The following PSMA6 variants were observed in gnomAD, a reference collection of about 807,000 sequenced individuals.
PSMA6 encodes the protein proteasome subunit alpha type-6.
For synonymous variants in PSMA6, 88 were observed against 97.7 expected, an observed-to-expected ratio of 0.90 and a Z score of 0.59; for missense variants, 170 against 294.8, an observed-to-expected ratio of 0.58 and a Z score of 3.10.
intron 2 of PSMA6, 69 bp from the exon 3 acceptor site, chr14:35,308,845 T>A (rs1008473871): frequency 7.8e-6 from 9 of 1,148,718 alleles, no homozygotes; most frequent in Non-Finnish European, 1.1e-5. Context: ...AAAAACATAA[T>A]TTTTTTTATA....
chr14:35,309,730 A>C (rs1156505669), intron 3 of PSMA6, among the ~76,000 whole-genome samples: 1 of 152,228 alleles, frequency 6.6e-6, no homozygotes, highest in African/African-American at 2.4e-5. Flanking sequence ...CGGGAGGCAG[A>C]GGTTGCAGTG....
At chr14:35,289,454 C>G (rs1010061591), upstream of PSMA6, among the ~76,000 whole-genome samples, 3 of 152,060 alleles carry the variant, frequency 2.0e-5, no homozygotes, top group African/African-American at 7.2e-5. Flanking sequence ...CTCAACCTCT[C>G]CCGAGTAGCT....
At chr14:35,278,631 G>A, upstream of PSMA6, 5 of 1,509,784 alleles carry the variant, frequency 3.3e-6, no homozygotes, top group African/African-American at 1.4e-5. Flanking sequence ...CTGGAGCAGG[G>A]TAGTGTCCTA....
At chr14:35,312,520 AAAAAAAAAAAAAG>A (rs2051964550) in intron 4 of PSMA6, among the ~76,000 whole-genome samples, 2 of 150,180 alleles carry the variant, frequency 1.3e-5, no homozygotes, top group Non-Finnish European at 3.0e-5. Flanking sequence ...AAAAAAAAAA[AAAAAAAAAAAAAG>A]TGTTTTTGAA....
chr14:35,307,913 AT>A, intron 1 of PSMA6, 80 bp from the exon 2 acceptor site: 6 of 1,354,732 alleles, frequency 4.4e-6, no homozygotes, highest in Non-Finnish European at 5.2e-6. Context: ...GCTCTTTCTC[AT>A]TCTTTTTAAT....
intron 4 of PSMA6, 79 bp downstream of exon 4, chr14:35,310,974 A>C: frequency 7.2e-7 from 1 of 1,394,562 alleles, no homozygotes; most frequent in African/African-American, 1.4e-5. Context: ...TTATTTAAAT[A>C]ACACTTGAGT....
chr14:35,278,634 G>A (rs1239496207), exon 1 of PSMA6: 2 of 1,519,050 alleles, frequency 1.3e-6, no homozygotes, highest in African/African-American at 1.4e-5. Flanking sequence ...GAGCAGGGTA[G>A]TGTCCTAGGC....
chr14:35,280,680 C>A (rs2051357242), intron 1 of PSMA6, among the ~76,000 whole-genome samples: 1 of 152,058 alleles, frequency 6.6e-6, no homozygotes, highest in Admixed American at 6.6e-5. Flanking sequence ...CCACACCCAG[C>A]CTGGTCTCAT....
intron 1 of PSMA6, among the ~76,000 whole-genome samples, chr14:35,295,773 C>T (rs1454018389): frequency 6.6e-6 from 1 of 152,176 alleles, no homozygotes; most frequent in Admixed American, 6.5e-5. Context: ...TCTTAATGTA[C>T]ATATGCAGGT....
chr14:35,293,003 C>T, intron 1 of PSMA6: 1 of 458,408 alleles, frequency 2.2e-6, no homozygotes, highest in Non-Finnish European at 4.4e-6. Flanking sequence ...CTGCTATATA[C>T]CAGACACTGC....
intron 1 of PSMA6, among the ~76,000 whole-genome samples, chr14:35,282,876 C>G (rs1017048816): frequency 6.6e-6 from 1 of 151,746 alleles, no homozygotes; most frequent in Non-Finnish European, 1.5e-5. Context: ...GAGTGAGACC[C>G]CACAGGGTCA....
intron 6 of PSMA6, 174 bp downstream of exon 6, chr14:35,314,629 T>TA (rs2052006328): frequency 2.7e-6 from 2 of 736,020 alleles, no homozygotes; most frequent in Admixed American, 4.3e-5. Flanking sequence ...GGACTCTATT[T>TA]AAGAGTCAGA....
upstream of PSMA6, among the ~76,000 whole-genome samples, chr14:35,287,477 G>T (rs187957857): frequency 2.0e-5 from 3 of 152,188 alleles, no homozygotes; most frequent in African/African-American, 7.2e-5. Flanking sequence ...TAAGCTAAGG[G>T]CTACATTCTT....
chr14:35,305,831 T>C lies in PSMA6; in HGVS notation c.77-2163T>C, dbSNP rs144907010. On this transcript the variant is annotated intron_variant, in intron 1 of 6. Coordinates refer to ENST00000261479, the MANE Select transcript of PSMA6 (RefSeq NM_002791.3). ...AAATATGTGCCCAGGCCAGGAACAG[T>C]GGCTCATGCCTGTAATCCTAAGGTG... 8.5e-3 allele frequency among the ~76,000 whole-genome samples: 1,297 copies of C among 152,366 alleles called. 26 individuals are homozygous for C. The highest frequency in any genetic ancestry group is 0.029 in the African/African-American group (1,194 of 41,592).
intron 1 of PSMA6, among the ~76,000 whole-genome samples, chr14:35,285,487 C>T (rs7494636): frequency 6.6e-6 from 1 of 152,114 alleles, no homozygotes; most frequent in African/African-American, 2.4e-5. Flanking sequence ...TTTCTCTCTC[C>T]CTCTCTCCAA....
upstream of PSMA6, among the ~76,000 whole-genome samples, chr14:35,288,344 A>C (rs1176152083): frequency 6.6e-6 from 1 of 152,196 alleles, no homozygotes; most frequent in African/African-American, 2.4e-5. Flanking sequence ...CTAAAAATGC[A>C]AAAATTAGCC....
chr14:35,313,129 A>G, intron 5 of PSMA6, 70 bp downstream of exon 5: 1 of 1,331,880 alleles, frequency 7.5e-7, no homozygotes, highest in Non-Finnish European at 1.0e-6. Context: ...TATAATTTCT[A>G]TACAAAGCTA....
intron 1 of PSMA6, among the ~76,000 whole-genome samples, chr14:35,302,617 T>C (rs568195563): frequency 5.9e-5 from 9 of 152,286 alleles, no homozygotes; most frequent in African/African-American, 2.2e-4. Context: ...CAGATTTTGT[T>C]TTCCGATTCT....
chr14:35,293,516 C>T (rs1324676961), intron 1 of PSMA6, among the ~76,000 whole-genome samples: 1 of 152,152 alleles, frequency 6.6e-6, no homozygotes, highest in Non-Finnish European at 1.5e-5. Context: ...ATATAATCAT[C>T]TGTGCTTGGA....
Sources: gnomAD v4.1 joint callset for allele counts (sites outside exome capture counted in the v4.1 genomes callset) on GRCh38, gnomAD v4.1.1 for gene constraint, MANE v1.5 for transcripts, NCBI Gene and HGNC (gene_info 2026-07-23, HGNC 2026-07-21) for gene names.